The following PCDHGA4 variants were observed in gnomAD, a reference collection of about 807,000 sequenced individuals.
PCDHGA4 encodes protocadherin gamma-A4.
A neutral mutation model predicts 54.6 loss-of-function variants in PCDHGA4; 38 were observed. The ratio of observed to expected loss-of-function variants is 0.70; its 90% CI spans 0.54 to 0.91. The LOEUF (loss-of-function observed/expected upper bound fraction) is 0.91. Ranked by LOEUF, PCDHGA4 falls within the 40% of genes least tolerant of loss-of-function variation. The pLI is 0.00. For synonymous variants in PCDHGA4, 511 were observed against 512.9 expected (o/e 1.00, Z 0.05); for missense variants, 1,298 against 1,220.9 (o/e 1.06, Z -0.94).
At chr5:141,461,009 A>T (rs1407993113) in intron 1 of PCDHGA4, among the ~76,000 whole-genome samples, 1 of 151,542 alleles carries the variant, frequency 6.6e-6, no homozygotes, top group Admixed American at 6.6e-5. Flanking sequence ...GTATATATAT[A>T]TACCACATTT....
chr5:141,395,548 G>T (rs869036595), intron 1 of PCDHGA4: 6 of 21,284 alleles, frequency 2.8e-4, no homozygotes, highest in African/African-American at 1.1e-3. Context: ...TTGTTTGTGT[G>T]TGTGTGTGTG....
rs1022106778 is a variant in PCDHGA4, at chr5:141,384,657, C to A, written c.2514+27036C>A. ...CACCCCGCTCCGCAGAGCCCGGCTACCTGGTGACCAAGGTGGTGGCGGTGG... is the reference window on the plus strand; with the variant it reads ...CACCCCGCTCCGCAGAGCCCGGCTAACTGGTGACCAAGGTGGTGGCGGTGG... On this transcript the variant is annotated intron_variant, in intron 1 of 3. Transcript: ENST00000571252. 23 of 1,614,124 alleles carry A rather than the reference C, an allele frequency of 1.4e-5. No homozygotes were observed. The African/African-American group carries it at 2.0e-4, about 14-fold the overall frequency.
intron 1 of PCDHGA4, chr5:141,384,644 C>G (rs757384812): frequency 6.2e-7 from 1 of 1,614,234 alleles, no homozygotes; most frequent in Non-Finnish European, 8.5e-7. Flanking sequence ...CCCCGCTCCG[C>G]AGAGCCCGGC....
intron 1 of PCDHGA4, among the ~76,000 whole-genome samples, chr5:141,438,635 TAC>T (rs56854727): frequency 0.14 from 4,591 of 32,686 alleles, 460 homozygotes; most frequent in Middle Eastern, 0.21. Flanking sequence ...TATATATATA[TAC>T]ACACACACAC....
At chr5:141,505,123 C>T (rs1320836386) in intron 2 of PCDHGA4, among the ~76,000 whole-genome samples, 1 of 152,192 alleles carries the variant, frequency 6.6e-6, no homozygotes, top group African/African-American at 2.4e-5. Flanking sequence ...GATCGCGCCA[C>T]TGCACTCCAG....
chr5:141,475,547 G>A (rs2099364977), intron 1 of PCDHGA4, among the ~76,000 whole-genome samples: 1 of 152,176 alleles, frequency 6.6e-6, no homozygotes, highest in Non-Finnish European at 1.5e-5. Context: ...AGTAGGGTCC[G>A]GCTAATTGTC....
chr5:141,477,710 GA>G lies in PCDHGA4; in HGVS notation c.2515-17095del. ...GCCCCTAGACTATGAGGATCGGCGG[GA>G]ATTTGAATTAACAGCTCATATCAGC... On this transcript the variant is annotated intron_variant, in intron 1 of 3. Coordinates refer to ENST00000571252, the MANE Select transcript of PCDHGA4 (RefSeq NM_018917.4). This position sits in a 1 kb window ranked among gnomAD's most constrained non-coding sequence, Gnocchi z 4.9. 2 of 1,613,918 alleles carry G rather than the reference GA, an allele frequency of 1.2e-6. No individual in the cohort carries two copies. Among genetic ancestry groups the G allele is most frequent in the Non-Finnish European group, 1.7e-6 (2 of 1,180,044 alleles).
rs550161736 is a variant in PCDHGA4, at chr5:141,427,826, G to T, written c.2515-66981G>T. ...GCGCACAGAGCGGGGTGGTGGTCGCGCAGCGTGCCTTCGACCACGAGCAGC... is the reference window on the plus strand; with the variant it reads ...GCGCACAGAGCGGGGTGGTGGTCGCTCAGCGTGCCTTCGACCACGAGCAGC... On this transcript the variant is annotated intron_variant, in intron 1 of 3. Coordinates refer to ENST00000571252, the MANE Select transcript of PCDHGA4 (RefSeq NM_018917.4). The T allele has an allele frequency of 2.6e-6, 4 of 1,536,502 alleles. No individual in the cohort carries two copies. The East Asian group carries it at 6.8e-5, about 26-fold the overall frequency.
In PCDHGA4 at chr5:141,356,987, G is replaced by GAGGTC. The variant is rs1760419659; in HGVS notation, c.1882_1883insGTCAG (p.Asp628GlyfsTer49). 1 of 1,614,186 alleles carries GAGGTC rather than the reference G, an allele frequency of 6.2e-7. No homozygotes were observed. The highest frequency in any genetic ancestry group is 8.5e-7 in the Non-Finnish European group (1 of 1,180,028). On this transcript the variant is annotated frameshift_variant, in exon 1 of 4. Coordinates refer to ENST00000571252, the MANE Select transcript of PCDHGA4 (RefSeq NM_018917.4). LOFTEE classifies it high-confidence loss of function. ...GTGACCAAAGTGGTGGCAGTGGACA[G>GAGGTC]AGACTCAGGTCAGAATGCCTGGCTG...
At chr5:141,367,154 T>A (rs1764978094) in intron 1 of PCDHGA4, 1 of 162,130 alleles carries the variant, frequency 6.2e-6, no homozygotes, top group African/African-American at 2.4e-5. Flanking sequence ...ATAGGACTGA[T>A]ATTTTAGTCT....
chr5:141,485,676 G>A lies in PCDHGA4; in HGVS notation c.2515-9131G>A. The A allele has an allele frequency of 6.2e-7, 1 of 1,612,928 alleles. No individual in the cohort carries two copies. The highest frequency in any genetic ancestry group is 2.2e-5 in the East Asian group (1 of 44,848). On this transcript the variant is annotated intron_variant, in intron 1 of 3. Coordinates refer to ENST00000571252, the MANE Select transcript of PCDHGA4 (RefSeq NM_018917.4). This position sits in a 1 kb window ranked among gnomAD's most constrained non-coding sequence, Gnocchi z 5.7. ...GCAGATGTGGGGAGCAATTCGATTA[G>A]CAGCTATAGGCTGAGCTCCAATGAA...
intron 2 of PCDHGA4, among the ~76,000 whole-genome samples, chr5:141,497,643 G>A (rs773129390): frequency 6.6e-6 from 1 of 151,192 alleles, no homozygotes; most frequent in African/African-American, 2.4e-5. Context: ...AGGTTCAAGC[G>A]ATTCTCCTGC....
At position 141,487,796 on chromosome 5, in the gene PCDHGA4, T is replaced by C. The variant is rs766798983; in HGVS notation, c.2515-7011T>C. ...TAACTGTTTCGTGAATTAACCAGAG[T>C]TGTCACAGTTTAGCATTGGGGGCGG... On this transcript the variant is annotated intron_variant, in intron 1 of 3. Coordinates refer to ENST00000571252, the MANE Select transcript of PCDHGA4 (RefSeq NM_018917.4). The surrounding 1 kb of genome is among the most constrained non-coding windows in gnomAD (Gnocchi z 5.0). 15 of 1,498,660 alleles carry C rather than the reference T, an allele frequency of 1.0e-5. No homozygotes were observed. The highest frequency in any genetic ancestry group is 1.4e-5 in the Non-Finnish European group (15 of 1,110,900). 92.8% of individuals were successfully genotyped at this position (1,498,660 alleles called of 1,614,324 possible). A position where few individuals can be genotyped will look rare whatever the true frequency, so the allele number is the denominator to read the frequency against.
At chr5:141,418,946 G>A in intron 1 of PCDHGA4, 3 of 1,614,018 alleles carry the variant, frequency 1.9e-6, no homozygotes, top group South Asian at 1.1e-5. Flanking sequence ...TTCCCCTCCA[G>A]GAGTGGTTGT....
intron 1 of PCDHGA4, chr5:141,421,621 C>T (rs2154549322): frequency 6.2e-7 from 1 of 1,613,772 alleles, no homozygotes; most frequent in Non-Finnish European, 8.5e-7. Flanking sequence ...TGATAACGCC[C>T]CCAGCTTCCA....
intron 1 of PCDHGA4, among the ~76,000 whole-genome samples, chr5:141,358,416 G>T (rs1760910667): frequency 6.6e-6 from 1 of 152,090 alleles, no homozygotes; most frequent in South Asian, 2.1e-4. Context: ...TTCCTTGAAA[G>T]GGTATTTTCC....
intron 1 of PCDHGA4, among the ~76,000 whole-genome samples, chr5:141,358,062 T>G (rs1354480286): frequency 7.9e-5 from 12 of 152,248 alleles, no homozygotes; most frequent in Non-Finnish European, 1.5e-5. Context: ...TGGTGGTGTG[T>G]GCCCGTAGTC....
intron 1 of PCDHGA4, chr5:141,371,152 A>G (rs1767538477): frequency 9.3e-6 from 15 of 1,614,060 alleles, no homozygotes; most frequent in Non-Finnish European, 1.2e-5. Context: ...AATGTTGCAG[A>G]GAACCTGCCC....
At chr5:141,374,388 G>T (rs779801370) in intron 1 of PCDHGA4, 3 of 1,614,044 alleles carry the variant, frequency 1.9e-6, no homozygotes, top group Non-Finnish European at 2.5e-6. Context: ...AGCCCGCGGT[G>T]TCTGGTGAGT....
Sources: gnomAD v4.1 joint callset for allele counts (sites outside exome capture counted in the v4.1 genomes callset) on GRCh38, gnomAD v4.1.1 for gene constraint, Gnocchi (gnomAD v3.1) non-coding constraint, MANE v1.5 for transcripts, NCBI Gene and HGNC (gene_info 2026-07-23, HGNC 2026-07-21) for gene names.